The following LRRC74A variants were observed in gnomAD, a reference collection of about 807,000 sequenced individuals.
LRRC74A encodes leucine-rich repeat-containing protein 74A.
Under a neutral mutation model 57.9 loss-of-function variants are expected in LRRC74A, and 44 were observed. The ratio of observed to expected loss-of-function variants is 0.76; its 90% CI spans 0.60 to 0.98. The LOEUF is 0.98. Among genes scored for constraint, LRRC74A ranks in the 50% least tolerant of loss-of-function variants. The probability of loss-of-function intolerance (pLI) is 0.00; values close to 1 mark genes in which losing one functional copy is unlikely to be tolerated. For synonymous variants in LRRC74A, 211 were observed against 219.4 expected (o/e 0.96, Z 0.34); for missense variants, 572 against 574.0 (o/e 1.00, Z 0.04).
At chr14:76,850,445 A>C (rs1193785480) in intron 7 of LRRC74A, among the ~76,000 whole-genome samples, 2 of 151,846 alleles carry the variant, frequency 1.3e-5, no homozygotes, top group Non-Finnish European at 2.9e-5. Context: ...GAAGGAGGGG[A>C]GGGGGTAATG....
At chr14:76,864,821 T>G (rs975492844) in intron 11 of LRRC74A, among the ~76,000 whole-genome samples, 3 of 152,086 alleles carry the variant, frequency 2.0e-5, no homozygotes, top group African/African-American at 4.8e-5. Context: ...GCCACTGAAC[T>G]CTAGCCTAGG....
intron 5 of LRRC74A, among the ~76,000 whole-genome samples, chr14:76,841,139 T>C (rs950306287): frequency 9.2e-5 from 14 of 152,180 alleles, no homozygotes; most frequent in Admixed American, 3.9e-4. Flanking sequence ...CCTCCTGGGC[T>C]CAAGTGATTC....
At chr14:76,862,346 A>G (rs1304796081) in intron 11 of LRRC74A, among the ~76,000 whole-genome samples, 1 of 152,198 alleles carries the variant, frequency 6.6e-6, no homozygotes, top group Non-Finnish European at 1.5e-5. Flanking sequence ...CCTGGCCAAC[A>G]TGGCAAAACC....
intron 7 of LRRC74A, among the ~76,000 whole-genome samples, chr14:76,848,398 CAA>C (rs561999249): frequency 1.2e-4 from 16 of 137,344 alleles, no homozygotes; most frequent in Non-Finnish European, 1.6e-4. Context: ...GACTCCATCT[CAA>C]AAAAAAAAAA....
At chr14:76,867,876 C>T (rs1234123324) in intron 13 of LRRC74A, among the ~76,000 whole-genome samples, 1 of 152,188 alleles carries the variant, frequency 6.6e-6, no homozygotes. Flanking sequence ...AGACAGAGGG[C>T]GGAGGCACAC....
At chr14:76,829,352 C>T (rs996780416) in intron 2 of LRRC74A, among the ~76,000 whole-genome samples, 1 of 152,214 alleles carries the variant, frequency 6.6e-6, no homozygotes. Flanking sequence ...CAACATACAA[C>T]ATACATCTTC....
At chr14:76,833,305 A>G (rs931569785) in intron 3 of LRRC74A, among the ~76,000 whole-genome samples, 9 of 152,154 alleles carry the variant, frequency 5.9e-5, no homozygotes, top group Non-Finnish European at 1.3e-4. Flanking sequence ...ATACACTGTC[A>G]TTGTTGGTTG....
At chr14:76,831,489 C>G (rs778666757) in intron 3 of LRRC74A, 114 bp downstream of exon 3, 2 of 1,134,518 alleles carry the variant, frequency 1.8e-6, no homozygotes, top group Non-Finnish European at 1.3e-6. Flanking sequence ...ACTTTATGCC[C>G]TTATGCCACA....
chr14:76,843,643 A>G (rs1896929378), intron 5 of LRRC74A, among the ~76,000 whole-genome samples: 1 of 152,154 alleles, frequency 6.6e-6, no homozygotes, highest in Non-Finnish European at 1.5e-5. Flanking sequence ...TCTTTTGTCC[A>G]TGTAATACTT....
intron 9 of LRRC74A, among the ~76,000 whole-genome samples, chr14:76,856,311 C>G (rs1897870954): frequency 6.6e-6 from 1 of 152,202 alleles, no homozygotes; most frequent in Non-Finnish European, 1.5e-5. Context: ...TGCTCCTTTC[C>G]TTGCTCCTGC....
chr14:76,852,734 T>G (rs1897594399), intron 8 of LRRC74A, among the ~76,000 whole-genome samples: 1 of 150,860 alleles, frequency 6.6e-6, no homozygotes, highest in Non-Finnish European at 1.5e-5. Context: ...TTCTCCTGCC[T>G]CAGCCTCCTG....
intron 7 of LRRC74A, 110 bp downstream of exon 7, chr14:76,845,011 G>T (rs189726413): frequency 6.9e-4 from 468 of 676,638 alleles, no homozygotes; most frequent in Non-Finnish European, 1.1e-3. Flanking sequence ...GATTATAAAA[G>T]TGATGTAAAC....
At chr14:76,845,013 G>T in intron 7 of LRRC74A, 112 bp downstream of exon 7, 2 of 663,026 alleles carry the variant, frequency 3.0e-6, no homozygotes, top group Non-Finnish European at 5.3e-6. Flanking sequence ...TTATAAAAGT[G>T]ATGTAAACAT....
intron 2 of LRRC74A, 141 bp from the exon 3 acceptor site, chr14:76,831,062 A>C: frequency 1.3e-6 from 1 of 763,328 alleles, no homozygotes; most frequent in Non-Finnish European, 2.1e-6. Flanking sequence ...CCCAGACAGG[A>C]GCAGGCTTCT....
chr14:76,859,476 A>G (rs932421987), intron 10 of LRRC74A, among the ~76,000 whole-genome samples: 1 of 150,602 alleles, frequency 6.6e-6, no homozygotes, highest in African/African-American at 2.4e-5. Context: ...AGAGGTTGTG[A>G]TAAGCCAAGA....
chr14:76,842,907 G>T (rs11159235), intron 5 of LRRC74A, among the ~76,000 whole-genome samples: 120,191 of 152,072 alleles, frequency 0.79, 47,975 homozygotes, highest in East Asian at 0.88. Flanking sequence ...ATCCTGATGT[G>T]CAAAATATCA....
Position 76,853,306 on chromosome 14 carries a change from C to A in LRRC74A, c.853C>A (p.Arg285Ser), listed in dbSNP as rs994893609. The part of the protein sequence containing the change: ...LALGEVLRLN[R>S]CLVYLDIGGN... ...CCTAGGGGAAGTCCTCCGACTCAAC[C>A]GCTGCCTGGTCTACCTGGATATCGG... The change falls in exon 9 of 14, where the codon CGC becomes AGC. Residue 285 changes from arginine (R) to serine (S), a missense_variant. Transcript: ENST00000689127. 1.9e-6 allele frequency: 3 copies of A among 1,613,296 alleles called. No homozygotes were observed. Among genetic ancestry groups the A allele is most frequent in the Admixed American group, 1.7e-5 (1 of 59,900 alleles).
intron 2 of LRRC74A, among the ~76,000 whole-genome samples, chr14:76,830,025 G>A (rs376619070): frequency 3.9e-5 from 6 of 152,140 alleles, no homozygotes; most frequent in Admixed American, 6.5e-5. Flanking sequence ...GTGGGTCCAC[G>A]CCAGAGATCC....
chr14:76,846,601 G>A (rs566648289), intron 7 of LRRC74A, among the ~76,000 whole-genome samples: 1 of 152,334 alleles, frequency 6.6e-6, no homozygotes, highest in East Asian at 1.9e-4. Flanking sequence ...GGAGGAGGTG[G>A]GGATAGAGAA....
Sources: gnomAD v4.1 joint callset for allele counts (sites outside exome capture counted in the v4.1 genomes callset) on GRCh38, gnomAD v4.1.1 for gene constraint, MANE v1.5 for transcripts, NCBI Gene and HGNC (gene_info 2026-07-23, HGNC 2026-07-21) for gene names.